RAPGEF2: variants seen among roughly 807,000 people sequenced by gnomAD.
RAPGEF2 encodes Rap guanine nucleotide exchange factor 2, also known as PDZ domain containing guanine nucleotide exchange factor (GEF) 1.
A neutral mutation model predicts 186.7 loss-of-function variants in RAPGEF2; 54 were observed. The ratio of observed to expected loss-of-function variants is 0.29; its 90% CI spans 0.23 to 0.36. RAPGEF2 has a LOEUF of 0.36. Among genes scored for constraint, RAPGEF2 ranks in the 10% least tolerant of loss-of-function variants. The pLI, the probability that RAPGEF2 is intolerant of heterozygous loss-of-function variation, is 1.00. For missense variants in RAPGEF2, 1,532 were observed against 2,045.0 expected, an observed-to-expected ratio of 0.75 and a Z score of 4.84; for synonymous variants, 712 against 705.9, an observed-to-expected ratio of 1.01 and a Z score of -0.14.
intron 4 of RAPGEF2, among the ~76,000 whole-genome samples, chr4:159,235,021 A>G (rs1753085352): frequency 6.6e-6 from 1 of 152,136 alleles, no homozygotes; most frequent in Non-Finnish European, 1.5e-5. Flanking sequence ...CGGCCTTCCA[A>G]AGTGCTGGAA....
chr4:159,215,704 A>T (rs1057043560), intron 4 of RAPGEF2, among the ~76,000 whole-genome samples: 10 of 152,162 alleles, frequency 6.6e-5, no homozygotes, highest in Non-Finnish European at 2.9e-5. Flanking sequence ...AAAACTTTTT[A>T]TATCTTTTAT....
chr4:159,285,700 A>G (rs868222125), intron 7 of RAPGEF2, among the ~76,000 whole-genome samples: 1 of 152,196 alleles, frequency 6.6e-6, no homozygotes, highest in Non-Finnish European at 1.5e-5. Context: ...AAGGAAGAGA[A>G]ATCTTGAGAC....
intron 1 of RAPGEF2, among the ~76,000 whole-genome samples, chr4:159,118,582 GTAT>G (rs575604487): frequency 3.4e-5 from 5 of 148,050 alleles, no homozygotes; most frequent in African/African-American, 7.4e-5. Flanking sequence ...GTATATTAAA[GTAT>G]TATTATTATT....
chr4:159,300,962 AT>A, intron 7 of RAPGEF2, among the ~76,000 whole-genome samples: 1 of 152,262 alleles, frequency 6.6e-6, no homozygotes, highest in Non-Finnish European at 1.5e-5. Flanking sequence ...TCAGGCCTCT[AT>A]TTCATTAGAG....
chr4:159,151,595 A>G (rs1452026855), intron 1 of RAPGEF2, among the ~76,000 whole-genome samples: 5 of 151,896 alleles, frequency 3.3e-5, no homozygotes, highest in East Asian at 3.8e-4. Context: ...TTAGAAGATG[A>G]CAGTCTGATA....
At chr4:159,115,565 T>C (rs1216632724) in intron 1 of RAPGEF2, among the ~76,000 whole-genome samples, 4 of 144,968 alleles carry the variant, frequency 2.8e-5, no homozygotes, top group African/African-American at 5.1e-5. Context: ...TTTTTTTTTT[T>C]CCTCTAAGCT....
intron 29 of RAPGEF2, among the ~76,000 whole-genome samples, chr4:159,357,824 A>G (rs946113328): frequency 7.2e-5 from 11 of 152,210 alleles, no homozygotes; most frequent in African/African-American, 1.9e-4. Flanking sequence ...TAAATGGCAC[A>G]TGCTATTTTA....
At chr4:159,254,655 C>A (rs1031231384) in intron 7 of RAPGEF2, among the ~76,000 whole-genome samples, 1 of 143,786 alleles carries the variant, frequency 7.0e-6, no homozygotes, top group Non-Finnish European at 1.5e-5. Context: ...GTCACCCAGG[C>A]GGGAGTGAGG....
At chr4:159,234,135 A>G (rs1752965506) in intron 4 of RAPGEF2, among the ~76,000 whole-genome samples, 1 of 152,042 alleles carries the variant, frequency 6.6e-6, no homozygotes, top group South Asian at 2.1e-4. Context: ...AAACTGCTGT[A>G]TTTGATAGTG....
chr4:159,137,532 A>G lies in RAPGEF2; in HGVS notation c.69+33301A>G, dbSNP rs1032750579. Among the ~76,000 whole-genome samples, 3 of 152,154 alleles carry G rather than the reference A, an allele frequency of 2.0e-5. No individual in the cohort carries two copies. In the East Asian group the frequency reaches 5.8e-4, roughly 29 times the overall value. On this transcript the variant is annotated intron_variant, in intron 1 of 29. Coordinates refer to ENST00000691494, the MANE Select transcript of RAPGEF2 (RefSeq NM_001394067.2). ...TCACATGAGATTAGGGCTTCAGTATATGAATTTTAGGGGAATACAGTTTAA... is the reference window on the plus strand; with the variant it reads ...TCACATGAGATTAGGGCTTCAGTATGTGAATTTTAGGGGAATACAGTTTAA...
At chr4:159,157,522 G>C (rs1170109859) in intron 1 of RAPGEF2, among the ~76,000 whole-genome samples, 1 of 152,144 alleles carries the variant, frequency 6.6e-6, no homozygotes, top group Non-Finnish European at 1.5e-5. Context: ...TTCGGAGTCA[G>C]ACCTTTGACT....
At chr4:159,188,108 TAA>T (rs1747734424) in intron 2 of RAPGEF2, among the ~76,000 whole-genome samples, 1 of 151,754 alleles carries the variant, frequency 6.6e-6, no homozygotes, top group African/African-American at 2.4e-5. Flanking sequence ...TTAAAGTGTG[TAA>T]CTTTCATTTT....
chr4:159,250,332 A>G (rs1468673322), intron 7 of RAPGEF2, among the ~76,000 whole-genome samples: 1 of 152,180 alleles, frequency 6.6e-6, no homozygotes, highest in Non-Finnish European at 1.5e-5. Flanking sequence ...TAAAAATAAT[A>G]ATAATTAAGT....
intron 3 of RAPGEF2, among the ~76,000 whole-genome samples, chr4:159,197,544 G>A (rs1748777394): frequency 6.6e-6 from 1 of 152,142 alleles, no homozygotes; most frequent in Non-Finnish European, 1.5e-5. Context: ...ACTTTGTAAG[G>A]GGTTTCTCTC....
intron 1 of RAPGEF2, among the ~76,000 whole-genome samples, chr4:159,177,074 A>G (rs1746514811): frequency 6.6e-6 from 1 of 152,136 alleles, no homozygotes; most frequent in African/African-American, 2.4e-5. Context: ...TTTCTTACCA[A>G]TGTCATTTGG....
In RAPGEF2 at chr4:159,305,107, T is replaced by G. The variant is rs139810183; in HGVS notation, c.675+634T>G. Among the ~76,000 whole-genome samples, 653 of 152,344 alleles carry G rather than the reference T, an allele frequency of 4.3e-3. 10 individuals are homozygous for G. Among genetic ancestry groups the G allele is most frequent in the African/African-American group, 0.015 (621 of 41,574 alleles). On this transcript the variant is annotated intron_variant, in intron 8 of 29. Transcript: ENST00000691494. ...GATGAACACTTTGGTTGATTCTATATCTTTGCTATTGTGAATAGTGCTGCA... is the reference window on the plus strand; with the variant it reads ...GATGAACACTTTGGTTGATTCTATAGCTTTGCTATTGTGAATAGTGCTGCA...
intron 7 of RAPGEF2, among the ~76,000 whole-genome samples, chr4:159,301,365 G>A (rs1291581780): frequency 6.6e-6 from 1 of 152,112 alleles, no homozygotes; most frequent in African/African-American, 2.4e-5. Context: ...GACAGAGCAA[G>A]ATTCTGTCTC....
Position 159,330,019 on chromosome 4 carries a change from C to A in RAPGEF2, c.1302+9C>A. 6.3e-7 allele frequency: 1 copy of A among 1,593,664 alleles called. No individual in the cohort carries two copies. The highest frequency in any genetic ancestry group is 8.5e-7 in the Non-Finnish European group (1 of 1,172,814). On this transcript the variant is annotated intron_variant, in intron 12 of 29. Transcript: ENST00000691494. ...GACACATTGTCATCAAGGTAGGACA[C>A]AGGACCACTCCTTCCCAAGGAAAGG...
intron 8 of RAPGEF2, among the ~76,000 whole-genome samples, chr4:159,307,762 A>C (rs2111071882): frequency 6.6e-6 from 1 of 152,326 alleles, no homozygotes; most frequent in South Asian, 2.1e-4. Context: ...ACTTGAGGCC[A>C]GGAATCTAAG....
Sources: gnomAD v4.1 joint callset for allele counts (sites outside exome capture counted in the v4.1 genomes callset) on GRCh38, gnomAD v4.1.1 for gene constraint, MANE v1.5 for transcripts, NCBI Gene and HGNC (gene_info 2026-07-23, HGNC 2026-07-21) for gene names.